The following PIP5K1B variants were observed in gnomAD, a reference collection of about 807,000 sequenced individuals.
PIP5K1B encodes the protein phosphatidylinositol 4-phosphate 5-kinase type-1 beta.
Under a neutral mutation model 67.0 loss-of-function variants are expected in PIP5K1B, and 42 were observed. The ratio of observed to expected loss-of-function variants is 0.63; its 90% confidence interval spans 0.49 to 0.81. The LOEUF is 0.81. Ranked by LOEUF, PIP5K1B falls within the 30% of genes least tolerant of loss-of-function variation. The pLI is 0.00. For synonymous variants in PIP5K1B, 214 were observed against 231.4 expected (o/e 0.92, Z 0.68); for missense variants, 459 against 646.3 (o/e 0.71, Z 3.14).
intron 8 of PIP5K1B, 77 bp downstream of exon 8, chr9:68,894,715 T>C: frequency 7.4e-7 from 1 of 1,359,676 alleles, no homozygotes; most frequent in Non-Finnish European, 1.0e-6. Flanking sequence ...ATTGAAAGCA[T>C]AGAAATAAGG....
At chr9:68,754,681 A>G (rs905527557) in intron 2 of PIP5K1B, among the ~76,000 whole-genome samples, 1 of 152,170 alleles carries the variant, frequency 6.6e-6, no homozygotes, top group Non-Finnish European at 1.5e-5. Context: ...GTGGAGTTTC[A>G]TAACATTTCC....
chr9:68,759,466 TA>T (rs1193073261), intron 2 of PIP5K1B, among the ~76,000 whole-genome samples: 2 of 151,558 alleles, frequency 1.3e-5, no homozygotes, highest in Non-Finnish European at 2.9e-5. Flanking sequence ...GAAAACATAA[TA>T]AAGTGGAATA....
chr9:68,996,738 G>A (rs1463459583), intron 15 of PIP5K1B, among the ~76,000 whole-genome samples: 4 of 152,210 alleles, frequency 2.6e-5, no homozygotes, highest in African/African-American at 7.2e-5. Flanking sequence ...AGCCATTTCT[G>A]CTGAAAAGTG....
rs144162452 is a variant in PIP5K1B at position 68,744,373 on chromosome 9, G to T, written c.-86+1716G>T. 3.9e-4 allele frequency among the ~76,000 whole-genome samples: 60 copies of T among 152,328 alleles called. No homozygotes were observed. The East Asian group carries it at 0.01, about 26-fold the overall frequency. On this transcript the variant is annotated intron_variant, in intron 2 of 15. Transcript: ENST00000265382. ...ACTCTCCCATTAAAATTTATTCAGT[G>T]GAAAGCATTTCCCCTGTTTTTTGGA...
chr9:68,867,632 G>A (rs1164387819), intron 5 of PIP5K1B, among the ~76,000 whole-genome samples: 1 of 152,198 alleles, frequency 6.6e-6, no homozygotes, highest in Non-Finnish European at 1.5e-5. Flanking sequence ...CATGATTGTG[G>A]TGATGGTTTC....
intron 12 of PIP5K1B, among the ~76,000 whole-genome samples, chr9:68,933,582 G>A (rs1207172863): frequency 6.6e-6 from 1 of 152,018 alleles, no homozygotes; most frequent in African/African-American, 2.4e-5. Flanking sequence ...TGAAATTCAT[G>A]CTTGCTAGTT....
At chr9:68,826,064 G>A (rs1293143103) in intron 4 of PIP5K1B, among the ~76,000 whole-genome samples, 4 of 152,230 alleles carry the variant, frequency 2.6e-5, no homozygotes, top group Non-Finnish European at 5.9e-5. Flanking sequence ...GGGAAGAACA[G>A]CTAACATTGG....
At chr9:68,736,620 A>G (rs1411728839) in intron 1 of PIP5K1B, among the ~76,000 whole-genome samples, 1 of 152,166 alleles carries the variant, frequency 6.6e-6, no homozygotes, top group Non-Finnish European at 1.5e-5. Context: ...TGCTTCTTCC[A>G]TCTTTTAGAA....
At chr9:68,919,434 CT>C in intron 9 of PIP5K1B, 44 bp from the exon 10 acceptor site, 1 of 939,138 alleles carries the variant, frequency 1.1e-6, no homozygotes, top group East Asian at 2.5e-5. Flanking sequence ...ACTTCCTATT[CT>C]TATAATATGT....
At chr9:68,970,700 C>T (rs1278317287) in intron 14 of PIP5K1B, among the ~76,000 whole-genome samples, 1 of 152,154 alleles carries the variant, frequency 6.6e-6, no homozygotes, top group Non-Finnish European at 1.5e-5. Flanking sequence ...TGTTTTTACT[C>T]TCTGTTAAGA....
chr9:68,785,650 A>G (rs745556626), intron 2 of PIP5K1B, among the ~76,000 whole-genome samples: 3 of 152,236 alleles, frequency 2.0e-5, no homozygotes, highest in Non-Finnish European at 4.4e-5. Context: ...TCCTCATTTT[A>G]TAAATGAGGA....
chr9:68,938,594 T>G (rs1213209387), intron 13 of PIP5K1B, among the ~76,000 whole-genome samples: 1 of 152,198 alleles, frequency 6.6e-6, no homozygotes, highest in Non-Finnish European at 1.5e-5. Context: ...CATTTATATT[T>G]AAGGTTAATA....
chr9:68,801,227 G>C (rs1832585776), intron 2 of PIP5K1B, among the ~76,000 whole-genome samples: 1 of 152,154 alleles, frequency 6.6e-6, no homozygotes, highest in Admixed American at 6.5e-5. Context: ...ATTCTCAAAG[G>C]AGGGCTATCC....
intron 4 of PIP5K1B, among the ~76,000 whole-genome samples, chr9:68,841,492 G>A (rs1403423495): frequency 6.6e-6 from 1 of 152,180 alleles, no homozygotes; most frequent in East Asian, 1.9e-4. Context: ...TGATCCCTAG[G>A]TTACAGTTGA....
chr9:68,886,713 T>C (rs1824494776), intron 6 of PIP5K1B, among the ~76,000 whole-genome samples: 1 of 152,226 alleles, frequency 6.6e-6, no homozygotes, highest in Non-Finnish European at 1.5e-5. Context: ...GCTGAAGCTG[T>C]GGCAACAGTC....
At chr9:68,901,815 A>G (rs1020115510) in intron 8 of PIP5K1B, among the ~76,000 whole-genome samples, 2 of 152,254 alleles carry the variant, frequency 1.3e-5, no homozygotes, top group Admixed American at 1.3e-4. Flanking sequence ...GGTCTTAGAA[A>G]AAATGATTTT....
At chr9:68,856,837 T>G (rs1038456354) in intron 4 of PIP5K1B, among the ~76,000 whole-genome samples, 14 of 152,276 alleles carry the variant, frequency 9.2e-5, no homozygotes, top group African/African-American at 3.4e-4. Flanking sequence ...AGGAGTGTGA[T>G]CCACAGAATA....
chr9:68,762,239 AT>A (rs527715870), intron 2 of PIP5K1B, among the ~76,000 whole-genome samples: 3 of 151,814 alleles, frequency 2.0e-5, no homozygotes, highest in African/African-American at 2.4e-5. Flanking sequence ...TCTAAGCTTA[AT>A]TTTTTTTATT....
chr9:68,956,447 C>T (rs1210969927), intron 14 of PIP5K1B, among the ~76,000 whole-genome samples: 2 of 151,986 alleles, frequency 1.3e-5, no homozygotes, highest in African/African-American at 2.4e-5. Context: ...CCAGCCTGGG[C>T]GACTGAGGAG....
Sources: gnomAD v4.1 joint callset for allele counts (sites outside exome capture counted in the v4.1 genomes callset) on GRCh38, gnomAD v4.1.1 for gene constraint, MANE v1.5 for transcripts, NCBI Gene and HGNC (gene_info 2026-07-23, HGNC 2026-07-21) for gene names.